KLRC3: variants seen among roughly 807,000 people sequenced by gnomAD.
KLRC3 encodes the protein killer cell lectin like receptor C3.
A neutral mutation model predicts 23.6 loss-of-function variants in KLRC3; 16 were observed. The ratio of observed to expected loss-of-function variants is 0.68; its 90% CI spans 0.46 to 1.03. KLRC3 has a LOEUF of 1.03. Among genes scored for constraint, KLRC3 ranks in the 50% least tolerant of loss-of-function variants. The pLI, the probability that KLRC3 is intolerant of heterozygous loss-of-function variation, is 0.00. For synonymous variants in KLRC3, 70 were observed against 71.8 expected (o/e 0.98, Z 0.13); for missense variants, 209 against 232.2 (o/e 0.90, Z 0.65).
At chr12:10,414,306 T>C (rs1381502274) in intron 6 of KLRC3, among the ~76,000 whole-genome samples, 1 of 151,932 alleles carries the variant, frequency 6.6e-6, no homozygotes, top group African/African-American at 2.4e-5. Context: ...AATGTTACAA[T>C]TGATAACATC....
intron 4 of KLRC3, among the ~76,000 whole-genome samples, chr12:10,417,162 G>T (rs1311493682): frequency 6.6e-6 from 1 of 151,592 alleles, no homozygotes; most frequent in Non-Finnish European, 1.5e-5. Context: ...GCTACAGATT[G>T]GGTTTCCTTG....
chr12:10,417,206 A>AC (rs1863657238), intron 4 of KLRC3, among the ~76,000 whole-genome samples: 1 of 151,756 alleles, frequency 6.6e-6, no homozygotes, highest in Non-Finnish European at 1.5e-5. Flanking sequence ...ATAAGCCCTC[A>AC]ATTTTTATCC....
chr12:10,415,266 A>G (rs1325859762), intron 6 of KLRC3, among the ~76,000 whole-genome samples: 1 of 152,236 alleles, frequency 6.6e-6, no homozygotes, highest in Non-Finnish European at 1.5e-5. Context: ...TCACAGAGTT[A>G]CAACCATCAC....
At chr12:10,412,759 G>A (rs1863592354) in intron 6 of KLRC3, 143 bp from the exon 7 acceptor site, 5 of 599,088 alleles carry the variant, frequency 8.3e-6, no homozygotes, top group South Asian at 5.7e-5. Context: ...CTGAAATTGG[G>A]GAAATATACT....
In KLRC3 at chr12:10,420,428, T is replaced by C. The variant is rs546761115; in HGVS notation, c.123A>G (p.Val41=). 441 of 1,613,828 alleles carry C rather than the reference T, an allele frequency of 2.7e-4. 4 individuals are homozygous for C. The South Asian group carries it at 4.2e-3, about 15-fold the overall frequency. The change falls in exon 1 of 7, where the codon GTA becomes GTG. Residue 41 remains valine (V), a synonymous_variant. Coordinates refer to ENST00000396439, the MANE Select transcript of KLRC3 (RefSeq NM_002261.3). ...ISGTEQEIFQ[V]ELNLQNASLN... ...GAGAAGCATTTTGAAGGTTTAATTC[T>C]ACTTGGAATATTTCCTGTTCGGTTC...
intron 1 of KLRC3, 146 bp from the exon 2 acceptor site, chr12:10,420,110 T>C (rs1863700216): frequency 1.7e-6 from 1 of 589,472 alleles, no homozygotes; most frequent in Non-Finnish European, 3.1e-6. Context: ...TCTACTCTAG[T>C]AATCTTTCTC....
At chr12:10,420,205 T>C (rs537460324) in intron 1 of KLRC3, among the ~76,000 whole-genome samples, 159 bp downstream of exon 1, 23 of 152,304 alleles carry the variant, frequency 1.5e-4, no homozygotes, top group African/African-American at 3.4e-4. Context: ...GAACAATGCC[T>C]GAATAAAATT....
chr12:10,415,528 G>C, intron 6 of KLRC3, 176 bp downstream of exon 6: 4 of 1,066,246 alleles, frequency 3.8e-6, no homozygotes, highest in Non-Finnish European at 5.2e-6. Context: ...CTGTACTTCC[G>C]TAATTGTGTG....
chr12:10,412,363 T>G lies in KLRC3; in HGVS notation c.*209A>C, dbSNP rs1863588020. The G allele has an allele frequency of 7.0e-6, 4 of 572,124 alleles. No individual in the cohort carries two copies. In the East Asian group the frequency reaches 1.2e-4, roughly 18 times the overall value. The allele number at this position is 572,124 out of a possible 1,614,324, so 35.4% of individuals were successfully genotyped here. On this transcript the variant is annotated 3_prime_UTR_variant, in exon 7 of 7. Transcript: ENST00000396439. ...AATCATAACGGTCTGCATTTTAATA[T>G]TAATATTTGTTGTAAATGACTAATG...
rs914896902 is a variant in KLRC3, at chr12:10,412,397, A to G, written c.*175T>C. On this transcript the variant is annotated 3_prime_UTR_variant, in exon 7 of 7. Coordinates refer to ENST00000396439, the MANE Select transcript of KLRC3 (RefSeq NM_002261.3). Reference sequence around the variant, plus strand: ...GTTGTAAATGACTAATGCTTAAATCAAACTATATAGAGAGGGAAAAGTAAT... The same window carrying G: ...GTTGTAAATGACTAATGCTTAAATCGAACTATATAGAGAGGGAAAAGTAAT... 22 of 596,252 alleles carry G rather than the reference A, an allele frequency of 3.7e-5. No individual in the cohort carries two copies. The African/African-American group carries it at 3.8e-4, about 10-fold the overall frequency. The allele number at this position is 596,252 out of a possible 1,614,324, so 36.9% of individuals were successfully genotyped here. A position where few individuals can be genotyped will look rare whatever the true frequency, so the allele number is the denominator to read the frequency against.
In KLRC3 at chr12:10,418,333, T is replaced by G. The variant is rs776431859; in HGVS notation, c.486+11A>C. 6.3e-7 allele frequency: 1 copy of G among 1,594,484 alleles called. No homozygotes were observed. Among genetic ancestry groups the G allele is most frequent in the Non-Finnish European group, 8.6e-7 (1 of 1,165,620 alleles). ...GCTTTTCATAAAATGTTTGAAACATTTACATCTTACCATTTCTTCTTCATT... is the reference window on the plus strand; with the variant it reads ...GCTTTTCATAAAATGTTTGAAACATGTACATCTTACCATTTCTTCTTCATT... On this transcript the variant is annotated intron_variant, in intron 4 of 6. Transcript: ENST00000396439.
rs780872955 is a variant in KLRC3 at position 10,418,458 on chromosome 12, A to T, written c.372T>A (p.Tyr124Ter). ...TACCAATGTAATAACAACTGTTGGA[A>T]TATGTAATCCACTCCTCAGGACAAT... ...CGHCPEEWIT[Y>*]SNSCYYIGKE... The change falls in exon 4 of 7, where the codon TAT (tyrosine) becomes TAA (stop). Residue 124 changes from tyrosine (Y) to a stop codon, truncating the protein, a stop_gained. Transcript: ENST00000396439. LOFTEE classifies it high-confidence loss of function. 5.6e-6 allele frequency: 9 copies of T among 1,604,416 alleles called. No homozygotes were observed. In the East Asian group the frequency reaches 1.8e-4, roughly 32 times the overall value.
At chr12:10,414,445 A>G (rs1863611721) in intron 6 of KLRC3, among the ~76,000 whole-genome samples, 1 of 152,084 alleles carries the variant, frequency 6.6e-6, no homozygotes, top group African/African-American at 2.4e-5. Flanking sequence ...GATACATATG[A>G]TACATGTAAA....
At position 10,412,588 on chromosome 12, in the gene KLRC3, A is replaced by G. The variant is rs1863590607; in HGVS notation, c.707T>C (p.Leu236Pro). The change falls in exon 7 of 7, where the codon CTG becomes CCG. Residue 236 changes from leucine (L) to proline (P), a missense_variant. Transcript: ENST00000396439. ...TTCTTGAGCTCAGGAGTTCAAGACC[A>G]GCCTGGTCAACATGATGAAACCCCG... ...IRRGFIMLTR[L>P]VLNS 2 of 701,542 alleles carry G rather than the reference A, an allele frequency of 2.9e-6. No individual in the cohort carries two copies. The allele number at this position is 701,542 out of a possible 1,614,324, so 43.5% of individuals were successfully genotyped here.
At chr12:10,415,677 C>T (rs774523684) in intron 6 of KLRC3, 27 bp downstream of exon 6, 42 of 1,612,526 alleles carry the variant, frequency 2.6e-5, no homozygotes, top group East Asian at 1.1e-4. Flanking sequence ...CAAGCTCAAG[C>T]GCTTTAATTC....
intron 4 of KLRC3, among the ~76,000 whole-genome samples, chr12:10,417,499 C>T (rs17548976): frequency 0.057 from 8,632 of 152,048 alleles, 261 homozygotes; most frequent in African/African-American, 0.1. Flanking sequence ...AGGAGGGTAT[C>T]GAAGGAGAGT....
At position 10,412,355 on chromosome 12, in the gene KLRC3, T is replaced by G. The variant is rs1863587912; in HGVS notation, c.*217A>C. 1.8e-6 allele frequency: 1 copy of G among 570,624 alleles called. No homozygotes were observed. Among genetic ancestry groups the G allele is most frequent in the Admixed American group, 3.5e-5 (1 of 28,944 alleles). The allele number at this position is 570,624 out of a possible 1,614,324, so 35.3% of individuals were successfully genotyped here. On this transcript the variant is annotated 3_prime_UTR_variant, in exon 7 of 7. Transcript: ENST00000396439. ...TATTTTCCAATCATAACGGTCTGCA[T>G]TTTAATATTAATATTTGTTGTAAAT...
At chr12:10,414,266 CAT>C (rs1863609763) in intron 6 of KLRC3, among the ~76,000 whole-genome samples, 2 of 151,488 alleles carry the variant, frequency 1.3e-5, no homozygotes, top group African/African-American at 4.9e-5. Flanking sequence ...ATAAAGAAAA[CAT>C]ATATCATTCT....
chr12:10,412,659 C>A, intron 6 of KLRC3, 43 bp from the exon 7 acceptor site: 1 of 689,942 alleles, frequency 1.4e-6, no homozygotes, highest in South Asian at 1.5e-5. Flanking sequence ...TGGTATTGGC[C>A]TGTAGCCAGC....
Sources: gnomAD v4.1 joint callset for allele counts (sites outside exome capture counted in the v4.1 genomes callset) on GRCh38, gnomAD v4.1.1 for gene constraint, MANE v1.5 for transcripts, NCBI Gene and HGNC (gene_info 2026-07-23, HGNC 2026-07-21) for gene names.